CTNNA3: variants seen among roughly 807,000 people sequenced by gnomAD.
CTNNA3 encodes the protein catenin alpha-3.
Under a neutral mutation model 95.7 loss-of-function variants are expected in CTNNA3, and 76 were observed. That is an observed-to-expected ratio of 0.79 (90% CI 0.66 to 0.96). The LOEUF (loss-of-function observed/expected upper bound fraction) is 0.96. Among genes scored for constraint, CTNNA3 ranks in the 40% least tolerant of loss-of-function variants. CTNNA3 has a pLI of 0.00. For synonymous variants in CTNNA3, 431 were observed against 374.4 expected, an observed-to-expected ratio of 1.15 and a Z score of -1.74; for missense variants, 1,191 against 1,089.8, an observed-to-expected ratio of 1.09 and a Z score of -1.31.
intron 10 of CTNNA3, among the ~76,000 whole-genome samples, chr10:66,547,347 C>CTTTTTTTTTTTTTTTTTTTTT (rs1296263060): frequency 9.2e-6 from 1 of 109,282 alleles, no homozygotes; most frequent in Non-Finnish European, 1.7e-5. Flanking sequence ...TTCTTTCTTT[C>CTTTTTTTTTTTTTTTTTTTTT]TTTTTTTTTT....
chr10:67,545,802 C>T (rs1435549600), intron 3 of CTNNA3, among the ~76,000 whole-genome samples: 2 of 152,228 alleles, frequency 1.3e-5, no homozygotes, highest in Admixed American at 6.5e-5. Flanking sequence ...AACTAATGAA[C>T]TTTTTACTTC....
intron 10 of CTNNA3, among the ~76,000 whole-genome samples, chr10:66,522,352 C>T (rs1248483458): frequency 6.6e-6 from 1 of 151,996 alleles, no homozygotes; most frequent in African/African-American, 2.4e-5. Context: ...TATAGTTTGG[C>T]TGTATTTCCA....
chr10:67,040,119 C>T (rs764788117), intron 7 of CTNNA3, among the ~76,000 whole-genome samples: 19 of 152,074 alleles, frequency 1.2e-4, no homozygotes, highest in Non-Finnish European at 1.8e-4. Flanking sequence ...GCTATGACAA[C>T]ATCATTCAGC....
chr10:67,256,391 ATC>A (rs1389120370), intron 5 of CTNNA3, among the ~76,000 whole-genome samples: 1 of 152,142 alleles, frequency 6.6e-6, no homozygotes, highest in East Asian at 1.9e-4. Flanking sequence ...CCTTCTTTTG[ATC>A]TGTCTTGATG....
chr10:67,727,091 TTA>T (rs1160704532), intron 1 of CTNNA3, among the ~76,000 whole-genome samples: 2 of 117,680 alleles, frequency 1.7e-5, no homozygotes, highest in African/African-American at 3.5e-5. Flanking sequence ...TATGATATAA[TTA>T]TATATAATAT....
intron 4 of CTNNA3, among the ~76,000 whole-genome samples, chr10:67,526,658 T>C (rs1840154202): frequency 6.6e-6 from 1 of 152,154 alleles, no homozygotes; most frequent in Non-Finnish European, 1.5e-5. Context: ...TATTTATCAA[T>C]GAGCAACATA....
chr10:66,013,323 C>T (rs1300597521), intron 15 of CTNNA3, among the ~76,000 whole-genome samples: 1 of 152,052 alleles, frequency 6.6e-6, no homozygotes, highest in Non-Finnish European at 1.5e-5. Flanking sequence ...TTGAGTGGAC[C>T]AGAACTGAAA....
At chr10:65,995,393 C>T (rs566558521) in intron 15 of CTNNA3, among the ~76,000 whole-genome samples, 2 of 152,238 alleles carry the variant, frequency 1.3e-5, no homozygotes, top group East Asian at 1.9e-4. Context: ...AATGTAGCCT[C>T]CATGTGATTT....
At chr10:66,882,651 T>A (rs1844893807) in intron 7 of CTNNA3, among the ~76,000 whole-genome samples, 1 of 152,146 alleles carries the variant, frequency 6.6e-6, no homozygotes, top group South Asian at 2.1e-4. Context: ...TCCTTTCTTA[T>A]TGCTTCAAAA....
intron 1 of CTNNA3, among the ~76,000 whole-genome samples, chr10:67,703,950 A>G (rs1299213658): frequency 3.3e-5 from 5 of 152,340 alleles, no homozygotes; most frequent in East Asian, 1.9e-4. Context: ...AAATCAATGT[A>G]CAAAAATCAC....
At chr10:66,988,701 T>C (rs917741246) in intron 7 of CTNNA3, among the ~76,000 whole-genome samples, 3 of 152,166 alleles carry the variant, frequency 2.0e-5, no homozygotes, top group African/African-American at 7.2e-5. Context: ...GCAGTCTGAT[T>C]AGGTCACCTC....
At position 66,748,573 on chromosome 10, in the gene CTNNA3, G is replaced by T. The variant is rs559066162; in HGVS notation, c.1281+17691C>A. On this transcript the variant is annotated intron_variant, in intron 9 of 17. Coordinates refer to ENST00000433211, the MANE Select transcript of CTNNA3 (RefSeq NM_013266.4). ...TAAATTAAAATTTTCATGAATAAAA[G>T]ACATTTTTAAATGGGACATTGTCTC... Among the ~76,000 whole-genome samples the T allele has an allele frequency of 3.4e-3, 521 of 152,114 alleles. 1 individual carries two copies. The highest frequency in any genetic ancestry group is 0.024 in the Middle Eastern group (7 of 294).
intron 9 of CTNNA3, among the ~76,000 whole-genome samples, chr10:66,756,979 T>A (rs1004811608): frequency 1.3e-5 from 2 of 152,338 alleles, no homozygotes; most frequent in South Asian, 2.1e-4. Flanking sequence ...TGCTTTAAAT[T>A]GATTCAGCTC....
chr10:67,572,761 T>C (rs911067290), intron 3 of CTNNA3, among the ~76,000 whole-genome samples: 3 of 152,166 alleles, frequency 2.0e-5, no homozygotes, highest in Non-Finnish European at 4.4e-5. Context: ...TGAGAAAGAC[T>C]TCTAGATTAG....
intron 7 of CTNNA3, among the ~76,000 whole-genome samples, chr10:67,144,778 T>C (rs574776997): frequency 7.2e-5 from 11 of 152,342 alleles, no homozygotes; most frequent in African/African-American, 2.4e-4. Context: ...AAAGCTGTTT[T>C]GTTTTTTAAT....
chr10:67,143,424 T>TAAAAAAA (rs1860685984), intron 7 of CTNNA3, among the ~76,000 whole-genome samples: 1 of 31,278 alleles, frequency 3.2e-5, no homozygotes, highest in Non-Finnish European at 5.9e-5. Context: ...AGGCTCTGTC[T>TAAAAAAA]TAAAAAAAAA....
At chr10:66,206,262 T>C (rs1252446845) in intron 13 of CTNNA3, among the ~76,000 whole-genome samples, 1 of 151,972 alleles carries the variant, frequency 6.6e-6, no homozygotes, top group African/African-American at 2.4e-5. Flanking sequence ...ACTTAGTCAC[T>C]ATTTCTGGGA....
intron 10 of CTNNA3, among the ~76,000 whole-genome samples, chr10:66,539,313 G>A (rs1273293817): frequency 6.6e-6 from 1 of 152,050 alleles, no homozygotes. Context: ...ATGAGACTTG[G>A]GTTAGTGCCC....
rs1164407696 is a variant in CTNNA3, at chr10:66,814,172, A to G, written c.1048-38648T>C. On this transcript the variant is annotated intron_variant, in intron 7 of 17. Coordinates refer to ENST00000433211, the MANE Select transcript of CTNNA3 (RefSeq NM_013266.4). ...CAGGAAAGGTATTGGGGCCCGGTATAGAAACGTCAGAGGCAGTAATAATTT... is the reference window on the plus strand; with the variant it reads ...CAGGAAAGGTATTGGGGCCCGGTATGGAAACGTCAGAGGCAGTAATAATTT... Among the ~76,000 whole-genome samples the G allele has an allele frequency of 3.3e-5, 5 of 151,946 alleles. No homozygotes were observed. The East Asian group carries it at 7.8e-4, about 24-fold the overall frequency.
Sources: gnomAD v4.1 joint callset for allele counts (sites outside exome capture counted in the v4.1 genomes callset) on GRCh38, gnomAD v4.1.1 for gene constraint, MANE v1.5 for transcripts, NCBI Gene and HGNC (gene_info 2026-07-23, HGNC 2026-07-21) for gene names.